Variants in SHISA9 observed in about 807,000 individuals in gnomAD.
SHISA9 encodes the protein protein shisa-9.
SHISA9 carries 13 observed loss-of-function variants against 38.0 expected under a neutral mutation model. The observed-to-expected ratio is 0.34, with a 90% CI of 0.22 to 0.54. The LOEUF (loss-of-function observed/expected upper bound fraction) is 0.54. Ranked by LOEUF, SHISA9 falls within the 20% of genes least tolerant of loss-of-function variation. The probability of loss-of-function intolerance (pLI) is 0.91; values close to 1 mark genes in which losing one functional copy is unlikely to be tolerated. For missense variants in SHISA9, 538 were observed against 575.8 expected (o/e 0.93, Z 0.67); for synonymous variants, 275 against 242.0 (o/e 1.14, Z -1.27).
At chr16:13,558,819 G>T in the SHISA9 span, among the ~76,000 whole-genome samples, 3 of 152,290 alleles carry the variant, frequency 2.0e-5, no homozygotes, top group East Asian at 5.8e-4. Context: ...GAAACAAGAT[G>T]GCAGAGTGTT....
intron 2 of SHISA9, among the ~76,000 whole-genome samples, chr16:13,051,646 C>A (rs1156229086): frequency 6.6e-6 from 1 of 152,092 alleles, no homozygotes; most frequent in Non-Finnish European, 1.5e-5. Flanking sequence ...AAACAAATGA[C>A]CAAAACAAAA....
chr16:13,408,253 A>T, the SHISA9 span, among the ~76,000 whole-genome samples: 1 of 152,204 alleles, frequency 6.6e-6, no homozygotes, highest in African/African-American at 2.4e-5. Context: ...TAAGTAAAAG[A>T]ACACAAAATT....
At chr16:13,411,012 G>A in the SHISA9 span, among the ~76,000 whole-genome samples, 4 of 152,172 alleles carry the variant, frequency 2.6e-5, no homozygotes, top group Non-Finnish European at 5.9e-5. Flanking sequence ...AGAGTACTGG[G>A]TATAGGTACC....
intron 2 of SHISA9, among the ~76,000 whole-genome samples, chr16:12,992,163 G>A (rs1052439050): frequency 3.3e-5 from 5 of 152,084 alleles, no homozygotes; most frequent in Admixed American, 1.3e-4. Flanking sequence ...ACGCTGATAA[G>A]TTTGAGAAAT....
At chr16:13,122,738 G>A (rs2050224408) in intron 2 of SHISA9, among the ~76,000 whole-genome samples, 2 of 152,158 alleles carry the variant, frequency 1.3e-5, no homozygotes, top group Admixed American at 6.5e-5. Context: ...ATATTATTAG[G>A]TTTTAAGATT....
intron 2 of SHISA9, among the ~76,000 whole-genome samples, chr16:12,966,585 A>G (rs1467629735): frequency 2.6e-5 from 4 of 152,164 alleles, no homozygotes; most frequent in Non-Finnish European, 5.9e-5. Flanking sequence ...CAATTCCACA[A>G]GGAAGGCATT....
At chr16:12,985,783 A>G (rs1449371840) in intron 2 of SHISA9, among the ~76,000 whole-genome samples, 1 of 152,180 alleles carries the variant, frequency 6.6e-6, no homozygotes, top group Non-Finnish European at 1.5e-5. Context: ...TTTTGCTTCC[A>G]ACAGCCAGCA....
chr16:13,330,460 T>C, the SHISA9 span, among the ~76,000 whole-genome samples: 1 of 152,192 alleles, frequency 6.6e-6, no homozygotes, highest in East Asian at 1.9e-4. Flanking sequence ...CACTGTTAGT[T>C]CCCTAGGTCA....
At chr16:13,198,058 G>T (rs947266524) in intron 2 of SHISA9, among the ~76,000 whole-genome samples, 6 of 152,112 alleles carry the variant, frequency 3.9e-5, no homozygotes, top group African/African-American at 1.4e-4. Flanking sequence ...GGTGGCACAT[G>T]CCTGTAATCC....
Position 13,238,526 on chromosome 16 carries a change from C to T in SHISA9, c.*3117C>T, listed in dbSNP as rs954160334. 11 of 152,114 alleles carry T rather than the reference C, an allele frequency of 7.2e-5. No homozygotes were observed. The highest frequency in any genetic ancestry group is 1.3e-4 in the Non-Finnish European group (9 of 68,042). 9.4% of individuals were successfully genotyped at this position (152,114 alleles called of 1,614,324 possible). A position where few individuals can be genotyped will look rare whatever the true frequency, so the allele number is the denominator to read the frequency against. ...CCTCTAAATCTGTAGTATTGTATTC[C>T]TTCTGCATGCTCCTTCTCCTCTGAA... On this transcript the variant is annotated 3_prime_UTR_variant, in exon 5 of 5. Transcript: ENST00000558583.
intron 2 of SHISA9, among the ~76,000 whole-genome samples, chr16:13,023,981 C>G (rs2072890040): frequency 6.6e-6 from 1 of 152,190 alleles, no homozygotes; most frequent in Non-Finnish European, 1.5e-5. Context: ...ACCTACAACT[C>G]TGGGAACAGA....
chr16:13,490,200 C>T, the SHISA9 span, among the ~76,000 whole-genome samples: 1 of 152,060 alleles, frequency 6.6e-6, no homozygotes, highest in Admixed American at 6.6e-5. Flanking sequence ...ATAGCAGGAG[C>T]AGTTACGAGG....
rs530414642 is a variant in SHISA9, at chr16:13,174,592, AC to A, written c.692-28798del. ...TATGAGAAAGAATCTCCAGGACTGG[AC>A]CCCTTACTGGGGATGGAGGGATGAG... On this transcript the variant is annotated intron_variant, in intron 2 of 4. Coordinates refer to ENST00000558583, the MANE Select transcript of SHISA9 (RefSeq NM_001145204.3). Among the ~76,000 whole-genome samples the A allele has an allele frequency of 1.1e-4, 16 of 152,250 alleles. No homozygotes were observed. The East Asian group carries it at 2.7e-3, about 26-fold the overall frequency.
the SHISA9 span, among the ~76,000 whole-genome samples, chr16:13,247,356 A>G: frequency 1.3e-5 from 2 of 152,186 alleles, no homozygotes; most frequent in Non-Finnish European, 2.9e-5. Flanking sequence ...CTATGCTAGG[A>G]CCTTTACATA....
At chr16:13,024,961 A>T (rs979486901) in intron 2 of SHISA9, among the ~76,000 whole-genome samples, 1 of 152,168 alleles carries the variant, frequency 6.6e-6, no homozygotes, top group African/African-American at 2.4e-5. Context: ...CAAGGGGCAG[A>T]TATTGGGGAA....
chr16:13,200,440 A>ACACACACACACACAGCAGCAG (rs201359350), intron 2 of SHISA9, among the ~76,000 whole-genome samples: 1 of 150,036 alleles, frequency 6.7e-6, no homozygotes, highest in Non-Finnish European at 1.5e-5. Flanking sequence ...ACACACACAC[A>ACACACACACACACAGCAGCAG]CAGCAGCAGC....
At position 13,213,203 on chromosome 16, in the gene SHISA9, G is replaced by A. The variant is rs982900558; in HGVS notation, c.848-50G>A. ...CTGGGTGTGAGGGCATAGTGAACAT[G>A]GGTGCCCTGCAAACAGATCATCAGC... On this transcript the variant is annotated intron_variant, in intron 3 of 4. Transcript: ENST00000558583. 7 of 1,518,516 alleles carry A rather than the reference G, an allele frequency of 4.6e-6. No individual in the cohort carries two copies. The African/African-American group carries it at 9.7e-5, about 21-fold the overall frequency. The allele number at this position is 1,518,516 out of a possible 1,614,324, so 94.1% of individuals were successfully genotyped here. A position where few individuals can be genotyped will look rare whatever the true frequency, so the allele number is the denominator to read the frequency against.
chr16:13,404,897 C>T, the SHISA9 span, among the ~76,000 whole-genome samples: 11 of 152,172 alleles, frequency 7.2e-5, no homozygotes, highest in African/African-American at 2.7e-4. Context: ...TTAAGAGGGA[C>T]ATCCTGAAAG....
chr16:13,408,278 GA>G, the SHISA9 span, among the ~76,000 whole-genome samples: 1 of 151,994 alleles, frequency 6.6e-6, no homozygotes, highest in Admixed American at 6.6e-5. Flanking sequence ...TATAAAAGTT[GA>G]TATAAAAATG....
Sources: gnomAD v4.1 joint callset for allele counts (sites outside exome capture counted in the v4.1 genomes callset) on GRCh38, gnomAD v4.1.1 for gene constraint, MANE v1.5 for transcripts, NCBI Gene and HGNC (gene_info 2026-07-23, HGNC 2026-07-21) for gene names.